Variants in SYNGR4 observed in about 807,000 individuals in gnomAD.
The protein encoded by SYNGR4 is synaptogyrin 4, also known as synaptogyrin-4.
A neutral mutation model predicts 15.5 loss-of-function variants in SYNGR4; 15 were observed. The ratio of observed to expected loss-of-function variants is 0.97; its 90% CI spans 0.65 to 1.49. SYNGR4 has a LOEUF of 1.49. Among genes scored for constraint, SYNGR4 ranks in the 40% most tolerant of loss-of-function variants. The probability of loss-of-function intolerance (pLI) is 0.00; values close to 1 mark genes in which losing one functional copy is unlikely to be tolerated. For synonymous variants in SYNGR4, 121 were observed against 127.4 expected, an observed-to-expected ratio of 0.95 and a Z score of 0.34; for missense variants, 292 against 299.3, an observed-to-expected ratio of 0.98 and a Z score of 0.18.
chr19:48,365,745 C>A lies in SYNGR4; in HGVS notation c.-98C>A. 7.5e-7 allele frequency: 1 copy of A among 1,338,700 alleles called. No individual in the cohort carries two copies. Among genetic ancestry groups the A allele is most frequent in the Non-Finnish European group, 1.1e-6 (1 of 944,778 alleles). The allele number at this position is 1,338,700 out of a possible 1,614,324, so 82.9% of individuals were successfully genotyped here. A position where few individuals can be genotyped will look rare whatever the true frequency, so the allele number is the denominator to read the frequency against. ...CTGTGTCATCCCACAGCAGCCAAGC[C>A]CAGGGCTGGCCTGAAGCCCCCGGAC... On this transcript the variant is annotated 5_prime_UTR_variant, in exon 2 of 5. Transcript: ENST00000344846.
intron 2 of SYNGR4, among the ~76,000 whole-genome samples, chr19:48,368,885 A>G (rs967742411): frequency 1.3e-5 from 2 of 152,162 alleles, no homozygotes; most frequent in South Asian, 2.1e-4. Context: ...TGTTTAACCC[A>G]AGGGGAAACT....
At position 48,376,242 on chromosome 19, in the gene SYNGR4, G is replaced by C. The variant is rs778301491; in HGVS notation, c.629G>C (p.Ser210Thr). Reference sequence around the variant, plus strand: ...CCCACCACTGGCCCCAACAGCCTGAGTTATGCTAGCTCTGCCCTGTCCCCC... The same window carrying C: ...CCCACCACTGGCCCCAACAGCCTGACTTATGCTAGCTCTGCCCTGTCCCCC... The part of the protein sequence containing the change: ...NMPTTGPNSL[S>T]YASSALSPCL... Residue 210 changes from serine (S) to threonine (T), a missense_variant, in exon 5 of 5, where the codon AGT becomes ACT. Ser to Thr is a moderately conservative substitution (Grantham distance 58, BLOSUM62 1). Coordinates refer to ENST00000344846, the MANE Select transcript of SYNGR4 (RefSeq NM_012451.4). The C allele has an allele frequency of 1.2e-5, 20 of 1,614,098 alleles. No individual in the cohort carries two copies. The highest frequency in any genetic ancestry group is 1.6e-5 in the Non-Finnish European group (19 of 1,180,016).
At chr19:48,372,556 A>T (rs1970325316) in intron 2 of SYNGR4, among the ~76,000 whole-genome samples, 1 of 151,734 alleles carries the variant, frequency 6.6e-6, no homozygotes, top group Admixed American at 6.6e-5. Context: ...AGGCTGAGGC[A>T]GGAGAATGGC....
intron 2 of SYNGR4, among the ~76,000 whole-genome samples, chr19:48,368,342 T>A (rs921972285): frequency 6.6e-6 from 1 of 152,182 alleles, no homozygotes; most frequent in Non-Finnish European, 1.5e-5. Flanking sequence ...CTGATTAGCA[T>A]GGGCCAGGCA....
chr19:48,367,073 G>A (rs956759014), intron 2 of SYNGR4, among the ~76,000 whole-genome samples: 3 of 151,674 alleles, frequency 2.0e-5, no homozygotes, highest in African/African-American at 7.3e-5. Flanking sequence ...AGGATGGCTT[G>A]AGCCCATGTG....
chr19:48,371,635 T>C (rs1488461014), intron 2 of SYNGR4, among the ~76,000 whole-genome samples: 2 of 150,870 alleles, frequency 1.3e-5, no homozygotes, highest in Admixed American at 1.3e-4. Context: ...TGGAGTGCAG[T>C]GGCACAATCA....
rs1970400349 is a variant in SYNGR4 at position 48,376,177 on chromosome 19, C to T, written c.564C>T (p.Thr188=). ...TGGATGAGGGTGGCATGGTGCTGAC[C>T]ACCCTCCCCTTGCCCTCTGCCAACA... The part of the protein sequence containing the change: ...RFLDEGGMVL[T]TLPLPSANSP... Residue 188 remains threonine, a synonymous_variant, in exon 5 of 5, where the codon ACC becomes ACT. Coordinates refer to ENST00000344846, the MANE Select transcript of SYNGR4 (RefSeq NM_012451.4). 1 of 1,614,106 alleles carries T rather than the reference C, an allele frequency of 6.2e-7. No individual in the cohort carries two copies. Among genetic ancestry groups the T allele is most frequent in the Non-Finnish European group, 8.5e-7 (1 of 1,180,020 alleles).
chr19:48,366,827 C>T (rs1970230299), intron 2 of SYNGR4, among the ~76,000 whole-genome samples: 1 of 152,164 alleles, frequency 6.6e-6, no homozygotes, highest in Non-Finnish European at 1.5e-5. Context: ...ATTTTAGGTG[C>T]TCAACAGCCA....
Position 48,376,256 on chromosome 19 carries a change from GC to G in SYNGR4, c.646del (p.Leu216CysfsTer5). 1 of 1,613,964 alleles carries G rather than the reference GC, an allele frequency of 6.2e-7. No homozygotes were observed. The highest frequency in any genetic ancestry group is 1.7e-5 in the Admixed American group (1 of 59,968). ...GPNSLSYASS[A>X]LSPCLTAPKS... Reference sequence around the variant, plus strand: ...CAACAGCCTGAGTTATGCTAGCTCTGCCCTGTCCCCCTGTCTGACCGCTCCA... The same window carrying G: ...CAACAGCCTGAGTTATGCTAGCTCTGCCTGTCCCCCTGTCTGACCGCTCCA... On this transcript the variant is annotated frameshift_variant, in exon 5 of 5. Coordinates refer to ENST00000344846, the MANE Select transcript of SYNGR4 (RefSeq NM_012451.4). LOFTEE classifies it high-confidence loss of function.
intron 1 of SYNGR4, among the ~76,000 whole-genome samples, chr19:48,365,145 C>A (rs146435248): frequency 6.6e-6 from 1 of 151,452 alleles, no homozygotes; most frequent in Non-Finnish European, 1.5e-5. Context: ...CATCCTGCAC[C>A]TCCACCTCTG....
In SYNGR4 at chr19:48,376,186, C is replaced by T. The variant is rs187090221; in HGVS notation, c.573C>T (p.Pro191=). 16 of 1,614,192 alleles carry T rather than the reference C, an allele frequency of 9.9e-6. No individual in the cohort carries two copies. The highest frequency in any genetic ancestry group is 1.4e-5 in the Non-Finnish European group (16 of 1,180,036). The change falls in exon 5 of 5, where the codon CCC becomes CCT. Residue 191 remains proline (P), a synonymous_variant. Transcript: ENST00000344846. ...DEGGMVLTTL[P]LPSANSPVNM... is the part of the protein sequence containing the mutation. ...GTGGCATGGTGCTGACCACCCTCCC[C>T]TTGCCCTCTGCCAACAGCCCTGTGA... is the stretch of plus-strand genomic sequence containing the variant.
At chr19:48,365,501 C>T (rs970040395) in intron 1 of SYNGR4, among the ~76,000 whole-genome samples, 5 of 144,888 alleles carry the variant, frequency 3.5e-5, no homozygotes, top group Admixed American at 6.8e-5. Context: ...CACACACAAC[C>T]TCATTCCCTG....
intron 2 of SYNGR4, among the ~76,000 whole-genome samples, chr19:48,368,283 ACTC>A (rs1569044344): frequency 2.0e-5 from 3 of 151,944 alleles, no homozygotes; most frequent in African/African-American, 4.8e-5. Context: ...CTAATAATCT[ACTC>A]CTAGGAAGAA....
intron 1 of SYNGR4, among the ~76,000 whole-genome samples, chr19:48,365,366 C>T: frequency 1.2e-5 from 1 of 85,154 alleles, no homozygotes; most frequent in Non-Finnish European, 2.6e-5. Flanking sequence ...CCCCCAGAAC[C>T]CCCATCCTAT....
At chr19:48,369,071 T>G (rs1021715458) in intron 2 of SYNGR4, among the ~76,000 whole-genome samples, 5 of 152,104 alleles carry the variant, frequency 3.3e-5, no homozygotes, top group African/African-American at 1.2e-4. Flanking sequence ...CCGCCAACCA[T>G]GCCAGACGTT....
chr19:48,369,417 A>G (rs752668211), intron 2 of SYNGR4, among the ~76,000 whole-genome samples: 10 of 152,100 alleles, frequency 6.6e-5, no homozygotes, highest in Non-Finnish European at 1.2e-4. Context: ...ACCGGCCTAG[A>G]TGTCAGGAGG....
At chr19:48,375,865 G>T in intron 4 of SYNGR4, 113 bp downstream of exon 4, 1 of 1,529,874 alleles carries the variant, frequency 6.5e-7, no homozygotes, top group South Asian at 1.3e-5. Context: ...GTCAGGGGTC[G>T]GGGGTTCCCC....
chr19:48,367,423 A>G (rs1970239081), intron 2 of SYNGR4, among the ~76,000 whole-genome samples: 2 of 150,120 alleles, frequency 1.3e-5, no homozygotes, highest in African/African-American at 5.0e-5. Flanking sequence ...ACAGAGCGAG[A>G]CTCCATTTAA....
intron 1 of SYNGR4, among the ~76,000 whole-genome samples, chr19:48,365,396 C>T (rs1412491122): frequency 1.2e-5 from 1 of 82,136 alleles, no homozygotes; most frequent in African/African-American, 4.2e-5. Flanking sequence ...TTCTGGGACC[C>T]CTAGTAGCCC....
Sources: gnomAD v4.1 joint callset for allele counts (sites outside exome capture counted in the v4.1 genomes callset) on GRCh38, gnomAD v4.1.1 for gene constraint, MANE v1.5 for transcripts, NCBI Gene and HGNC (gene_info 2026-07-23, HGNC 2026-07-21) for gene names.